Variants in COLEC11 observed in about 807,000 individuals in gnomAD.
COLEC11 encodes the protein collectin-11.
In COLEC11, 20 loss-of-function variants were observed where a neutral mutation model predicts 27.3. That is an observed-to-expected ratio of 0.73 (90% CI 0.51 to 1.06). COLEC11 has a LOEUF of 1.06. COLEC11 is among the 50% of genes least tolerant of loss of function. COLEC11 has a pLI of 0.00. For missense variants in COLEC11, 310 were observed against 383.0 expected, an observed-to-expected ratio of 0.81 and a Z score of 1.59; for synonymous variants, 163 against 154.7, an observed-to-expected ratio of 1.05 and a Z score of -0.40.
chr2:3,643,427 G>A lies in COLEC11; in HGVS notation c.329-17G>A, dbSNP rs1666021167. The A allele has an allele frequency of 4.4e-6, 7 of 1,606,084 alleles. No homozygotes were observed. In the East Asian group the frequency reaches 1.6e-4, roughly 36 times the overall value. ...TCCTCATCCAGCGTTTGTAACGCGT[G>A]GGCCTGGCCCCCGCAGGCCTCCCAT... On this transcript the variant is annotated splice_polypyrimidine_tract_variant and intron_variant, in intron 5 of 6. Transcript: ENST00000349077.
At chr2:3,620,273 T>C (rs1432199916) in intron 3 of COLEC11, among the ~76,000 whole-genome samples, 2 of 152,174 alleles carry the variant, frequency 1.3e-5, no homozygotes, top group African/African-American at 4.8e-5. Context: ...TTTTCATTAT[T>C]CAGTCTTTGT....
At chr2:3,640,174 G>A (rs1572476313) in intron 4 of COLEC11, 104 bp from the exon 5 acceptor site, 1 of 767,318 alleles carries the variant, frequency 1.3e-6, no homozygotes, top group Non-Finnish European at 2.3e-6. Context: ...AAGAGGGCCT[G>A]GGATAAATCC....
At chr2:3,643,601 CG>C (rs1666041538) in intron 6 of COLEC11, 62 bp downstream of exon 6, 4 of 1,594,642 alleles carry the variant, frequency 2.5e-6, no homozygotes, top group Non-Finnish European at 3.4e-6. Flanking sequence ...CTGAGCCCCC[CG>C]GCAAGGGCTC....
rs1665503126 is a variant in COLEC11 at position 3,637,401 on chromosome 2, T to C, written c.203-132T>C. ...GTGACCTTGAAGAGATGTAGAGCTGTCTTTCTTAGTCTCTTCTATGTGCCT... is the reference window on the plus strand; with the variant it reads ...GTGACCTTGAAGAGATGTAGAGCTGCCTTTCTTAGTCTCTTCTATGTGCCT... On this transcript the variant is annotated intron_variant, in intron 3 of 6. Coordinates refer to ENST00000349077, the MANE Select transcript of COLEC11 (RefSeq NM_024027.5). 5.4e-6 allele frequency: 4 copies of C among 741,680 alleles called. No individual in the cohort carries two copies. In the Admixed American group the frequency reaches 7.9e-5, roughly 15 times the overall value. 45.9% of individuals were successfully genotyped at this position (741,680 alleles called of 1,614,324 possible).
At chr2:3,603,594 G>A in intron 1 of COLEC11, 4 of 1,544,994 alleles carry the variant, frequency 2.6e-6, no homozygotes, top group Non-Finnish European at 3.5e-6. Context: ...TGGAATTACA[G>A]GTGTGAGCCA....
At chr2:3,625,388 G>C (rs1026494760) in intron 3 of COLEC11, among the ~76,000 whole-genome samples, 6 of 152,114 alleles carry the variant, frequency 3.9e-5, no homozygotes, top group Admixed American at 1.3e-4. Flanking sequence ...CTGCCTTGTG[G>C]TGGGTGGGGG....
intron 1 of COLEC11, among the ~76,000 whole-genome samples, chr2:3,599,159 T>C (rs1441626562): frequency 6.6e-6 from 1 of 152,158 alleles, no homozygotes; most frequent in Admixed American, 6.5e-5. Flanking sequence ...TTCTTTGGCT[T>C]CCTCATCTGT....
At chr2:3,617,670 G>A (rs1663870661) in intron 3 of COLEC11, 1 of 1,611,838 alleles carries the variant, frequency 6.2e-7, no homozygotes, top group South Asian at 1.1e-5. Context: ...GCCATATCGG[G>A]TTTGTCAGAC....
At position 3,630,035 on chromosome 2, in the gene COLEC11, TTA is replaced by T. The variant is rs1453376606; in HGVS notation, c.203-7496_203-7495del. Among the ~76,000 whole-genome samples the T allele has an allele frequency of 5.3e-5, 8 of 151,264 alleles. No homozygotes were observed. The East Asian group carries it at 1.6e-3, about 30-fold the overall frequency. On this transcript the variant is annotated intron_variant, in intron 3 of 6. Transcript: ENST00000349077. The stretch of plus-strand genomic sequence containing the variant: ...TGCATATGTGTATGTATGTGTGTTT[TTA>T]TGTGTGCATATGTTACGTGTTTGCA...
At chr2:3,638,149 G>T (rs1272442810) in intron 4 of COLEC11, among the ~76,000 whole-genome samples, 5 of 152,368 alleles carry the variant, frequency 3.3e-5, no homozygotes, top group Middle Eastern at 3.4e-3. Flanking sequence ...GCATTTGGCT[G>T]CACGGCCGTG....
intron 2 of COLEC11, among the ~76,000 whole-genome samples, chr2:3,611,294 A>T (rs912251341): frequency 6.6e-6 from 1 of 152,192 alleles, no homozygotes; most frequent in Non-Finnish European, 1.5e-5. Flanking sequence ...ATCCTGGGTC[A>T]CCGGGGACTC....
Position 3,639,074 on chromosome 2 carries a change from G to A in COLEC11, c.275-1204G>A, listed in dbSNP as rs1665658624. Reference sequence around the variant, plus strand: ...GGAATAACAATGTTTGTCCTTCTGTGTCTAGTTGATTTCACTTGGTGTAGT... The same window carrying A: ...GGAATAACAATGTTTGTCCTTCTGTATCTAGTTGATTTCACTTGGTGTAGT... On this transcript the variant is annotated intron_variant, in intron 4 of 6. Coordinates refer to ENST00000349077, the MANE Select transcript of COLEC11 (RefSeq NM_024027.5). Among the ~76,000 whole-genome samples the A allele has an allele frequency of 2.0e-5, 3 of 152,284 alleles. No individual in the cohort carries two copies. The South Asian group carries it at 6.2e-4, about 32-fold the overall frequency.
At chr2:3,604,720 G>T (rs928868339) in intron 2 of COLEC11, among the ~76,000 whole-genome samples, 1 of 152,174 alleles carries the variant, frequency 6.6e-6, no homozygotes, top group African/African-American at 2.4e-5. Context: ...GGGGGACCTT[G>T]CTGGAAGGCA....
Position 3,604,451 on chromosome 2 carries a change from C to A in COLEC11, c.111C>A (p.Ile37=). 6.2e-7 allele frequency: 1 copy of A among 1,614,164 alleles called. No individual in the cohort carries two copies. Among genetic ancestry groups the A allele is most frequent in the East Asian group, 2.2e-5 (1 of 44,878 alleles). ...PAGDDACSVQ[I]LVPGLKGDAG... ...GCGATGACGCCTGCTCTGTGCAGAT[C>A]CTCGTCCCTGGCCTCAAAGGTAACC... The change falls in exon 2 of 7, where the codon ATC becomes ATA. Residue 37 remains isoleucine, a synonymous_variant. Coordinates refer to ENST00000349077, the MANE Select transcript of COLEC11 (RefSeq NM_024027.5).
intron 3 of COLEC11, among the ~76,000 whole-genome samples, chr2:3,622,396 C>T (rs908301480): frequency 7.9e-5 from 12 of 152,228 alleles, no homozygotes; most frequent in African/African-American, 2.9e-4. Flanking sequence ...GTCTTTTAAC[C>T]TTTATACTAG....
chr2:3,644,393 T>C lies in COLEC11; in HGVS notation c.*275T>C, dbSNP rs1286231492. ...ATTATTACCCAGAATTGCTCTTCCA[T>C]AAAGCTTGTGCCTTTGTCCAAGCTA... On this transcript the variant is annotated 3_prime_UTR_variant, in exon 7 of 7. Coordinates refer to ENST00000349077, the MANE Select transcript of COLEC11 (RefSeq NM_024027.5). The C allele has an allele frequency of 1.6e-6, 1 of 633,286 alleles. No homozygotes were observed. The allele number at this position is 633,286 out of a possible 1,614,324, so 39.2% of individuals were successfully genotyped here. A position where few individuals can be genotyped will look rare whatever the true frequency, so the allele number is the denominator to read the frequency against.
intron 2 of COLEC11, among the ~76,000 whole-genome samples, chr2:3,612,234 ACC>A (rs1375661468): frequency 1.4e-5 from 2 of 145,388 alleles, no homozygotes; most frequent in South Asian, 2.1e-4. Flanking sequence ...ACACACATGC[ACC>A]CACGCACCCA....
At chr2:3,640,238 A>G in intron 4 of COLEC11, 40 bp from the exon 5 acceptor site, 3 of 1,279,108 alleles carry the variant, frequency 2.3e-6, no homozygotes. Flanking sequence ...GAACATGTCC[A>G]TCTCTGCCTG....
chr2:3,620,509 C>T (rs888257993), intron 3 of COLEC11, among the ~76,000 whole-genome samples: 20 of 151,460 alleles, frequency 1.3e-4, no homozygotes, highest in African/African-American at 3.4e-4. Context: ...TTAGTTTTGT[C>T]GCTTTGCTAC....
Sources: gnomAD v4.1 joint callset for allele counts (sites outside exome capture counted in the v4.1 genomes callset) on GRCh38, gnomAD v4.1.1 for gene constraint, MANE v1.5 for transcripts, NCBI Gene and HGNC (gene_info 2026-07-23, HGNC 2026-07-21) for gene names.